UBE2D3: variants seen among roughly 807,000 people sequenced by gnomAD.
The protein encoded by UBE2D3 is ubiquitin-conjugating enzyme E2 D3.
In UBE2D3, 2 loss-of-function variants were observed where a neutral mutation model predicts 22.8. The observed-to-expected ratio is 0.09, with a 90% CI of 0.04 to 0.28. UBE2D3 has a LOEUF of 0.28. UBE2D3 is among the 10% of genes least tolerant of loss of function. UBE2D3 has a pLI of 1.00. For synonymous variants in UBE2D3, 56 were observed against 60.4 expected (o/e 0.93, Z 0.34); for missense variants, 27 against 182.5 (o/e 0.15, Z 4.91).
At chr4:102,848,888 C>A (rs555143607) in intron 1 of UBE2D3, among the ~76,000 whole-genome samples, 1 of 149,604 alleles carries the variant, frequency 6.7e-6, no homozygotes, top group Admixed American at 6.7e-5. Flanking sequence ...CTTATAGGAA[C>A]GAGGTTATTC....
At chr4:102,865,100 G>A (rs1276018790) in intron 1 of UBE2D3, among the ~76,000 whole-genome samples, 1 of 152,170 alleles carries the variant, frequency 6.6e-6, no homozygotes, top group African/African-American at 2.4e-5. Flanking sequence ...TTGTGATTTA[G>A]GGGTAGAAAA....
rs1431981298 is a variant in UBE2D3 at position 102,796,013 on chromosome 4, A to T, written c.*1402T>A. On this transcript the variant is annotated 3_prime_UTR_variant, in exon 8 of 8. Transcript: ENST00000453744. ...GACTTTTATTCATTCATGTTAAGTCACCTGAAATGATATCTGTTGCATTTA... is the reference window on the plus strand; with the variant it reads ...GACTTTTATTCATTCATGTTAAGTCTCCTGAAATGATATCTGTTGCATTTA... 1 of 152,454 alleles carries T rather than the reference A, an allele frequency of 6.6e-6. No individual in the cohort carries two copies. Among genetic ancestry groups the T allele is most frequent in the Admixed American group, 6.6e-5 (1 of 15,230 alleles). The allele number at this position is 152,454 out of a possible 1,614,324, so 9.4% of individuals were successfully genotyped here.
At chr4:102,809,964 A>T (rs923399267) in intron 2 of UBE2D3, 109 bp from the exon 3 acceptor site, 1 of 1,009,464 alleles carries the variant, frequency 9.9e-7, no homozygotes, top group African/African-American at 1.6e-5. Context: ...GGCACACTCC[A>T]TCACAATTCA....
chr4:102,827,090 A>G, intron 1 of UBE2D3: 1 of 988,984 alleles, frequency 1.0e-6, no homozygotes, highest in Non-Finnish European at 1.2e-6. Flanking sequence ...GGGAGACTTG[A>G]TGTGTATTGC....
intron 1 of UBE2D3, among the ~76,000 whole-genome samples, chr4:102,864,943 G>T (rs1426716254): frequency 6.6e-6 from 1 of 152,168 alleles, no homozygotes; most frequent in East Asian, 1.9e-4. Context: ...AATAAATGGT[G>T]CTAGAACATA....
At chr4:102,845,779 A>ATATT (rs1490038680) in intron 1 of UBE2D3, among the ~76,000 whole-genome samples, 1 of 151,654 alleles carries the variant, frequency 6.6e-6, no homozygotes, top group Non-Finnish European at 1.5e-5. Flanking sequence ...TTTGTCTCTG[A>ATATT]TATTTATTTA....
chr4:102,859,322 G>A (rs1237292211), intron 1 of UBE2D3, among the ~76,000 whole-genome samples: 1 of 151,926 alleles, frequency 6.6e-6, no homozygotes, highest in Non-Finnish European at 1.5e-5. Flanking sequence ...GCTTTCCTCT[G>A]CTGCTTTCAA....
At position 102,811,869 on chromosome 4, in the gene UBE2D3, A is replaced by G. The variant is rs1230748788; in HGVS notation, c.25-2014T>C. The G allele has an allele frequency of 1.3e-5, 5 of 391,048 alleles. No individual in the cohort carries two copies. In the Admixed American group the frequency reaches 1.5e-4, roughly 12 times the overall value. The allele number at this position is 391,048 out of a possible 1,614,324, so 24.2% of individuals were successfully genotyped here. A position where few individuals can be genotyped will look rare whatever the true frequency, so the allele number is the denominator to read the frequency against. On this transcript the variant is annotated intron_variant, in intron 2 of 7. Coordinates refer to ENST00000453744, the MANE Select transcript of UBE2D3 (RefSeq NM_181891.3). ...CCATTCTCCATAAAAAGAAAAAAAAATTACGATAAAGCCAGTATCAACTGT... is the reference window on the plus strand; with the variant it reads ...CCATTCTCCATAAAAAGAAAAAAAAGTTACGATAAAGCCAGTATCAACTGT...
At chr4:102,836,293 C>A (rs901285980) in intron 1 of UBE2D3, among the ~76,000 whole-genome samples, 1 of 151,888 alleles carries the variant, frequency 6.6e-6, no homozygotes, top group Non-Finnish European at 1.5e-5. Context: ...ACTATAGGCA[C>A]TCGCCACCAC....
At chr4:102,828,010 T>C (rs1394240866), upstream of UBE2D3, 1 of 985,324 alleles carries the variant, frequency 1.0e-6, no homozygotes, top group African/African-American at 1.7e-5. Context: ...AGCTCTGCAA[T>C]GACTTAAGAG....
chr4:102,850,238 G>T (rs1338457905), intron 1 of UBE2D3, among the ~76,000 whole-genome samples: 1 of 152,128 alleles, frequency 6.6e-6, no homozygotes, highest in African/African-American at 2.4e-5. Flanking sequence ...GGTTACATTT[G>T]GGGAACAGTG....
intron 2 of UBE2D3, among the ~76,000 whole-genome samples, chr4:102,817,143 A>G (rs2096488888): frequency 1.3e-5 from 2 of 152,232 alleles, no homozygotes; most frequent in Admixed American, 6.5e-5. Flanking sequence ...AACACAGGGC[A>G]TAAAAATTTG....
chr4:102,825,504 G>A (rs920383552), intron 2 of UBE2D3: 9 of 1,157,340 alleles, frequency 7.8e-6, no homozygotes, highest in Non-Finnish European at 9.7e-6. Context: ...ATGCCGGAAA[G>A]AGCCTGAACC....
chr4:102,827,600 C>A (rs1467196347), upstream of UBE2D3: 2 of 986,922 alleles, frequency 2.0e-6, no homozygotes, highest in Non-Finnish European at 1.2e-6. Context: ...GCCTCTTCAC[C>A]GCCGCGGATC....
At chr4:102,818,979 T>C (rs1009635749) in intron 2 of UBE2D3, among the ~76,000 whole-genome samples, 1 of 152,138 alleles carries the variant, frequency 6.6e-6, no homozygotes, top group South Asian at 2.1e-4. Flanking sequence ...CAAAGAACAG[T>C]AGGCCAAGGT....
chr4:102,817,516 T>A (rs1393865560), intron 2 of UBE2D3, among the ~76,000 whole-genome samples: 1 of 152,128 alleles, frequency 6.6e-6, no homozygotes, highest in Non-Finnish European at 1.5e-5. Context: ...GTGTACCTAC[T>A]AACAACTTAA....
chr4:102,865,222 G>A (rs1206946925), intron 1 of UBE2D3, among the ~76,000 whole-genome samples: 3 of 152,066 alleles, frequency 2.0e-5, no homozygotes, highest in African/African-American at 7.2e-5. Context: ...GGCCAGGCAC[G>A]GTGGCTCACG....
At chr4:102,802,992 A>G (rs1338312322) in intron 4 of UBE2D3, among the ~76,000 whole-genome samples, 3 of 152,310 alleles carry the variant, frequency 2.0e-5, no homozygotes, top group African/African-American at 2.4e-5. Context: ...CATGTAGATT[A>G]TTTCTTCCAA....
chr4:102,837,751 A>T (rs970915392), intron 1 of UBE2D3, among the ~76,000 whole-genome samples: 2 of 152,182 alleles, frequency 1.3e-5, no homozygotes, highest in African/African-American at 4.8e-5. Flanking sequence ...GGAGATCGAG[A>T]CCATCCTGGC....
Sources: allele counts gnomAD v4.1 joint callset (sites outside exome capture counted in the v4.1 genomes callset), GRCh38; gene constraint gnomAD v4.1.1; transcripts MANE v1.5; gene names NCBI Gene and HGNC (gene_info 2026-07-23, HGNC 2026-07-21).